TEX9: variants seen among roughly 807,000 people sequenced by gnomAD.
The protein encoded by TEX9 is testis expressed 9, also known as testis-expressed protein 9.
Under a neutral mutation model 59.6 loss-of-function variants are expected in TEX9, and 74 were observed. That is an observed-to-expected ratio of 1.24 (90% CI 1.03 to 1.51). TEX9 has a LOEUF of 1.51. TEX9 is among the 40% of genes most tolerant of loss of function. The pLI, the probability that TEX9 is intolerant of heterozygous loss-of-function variation, is 0.00. For synonymous variants in TEX9, 186 were observed against 152.2 expected, an observed-to-expected ratio of 1.22 and a Z score of -1.64; for missense variants, 522 against 447.8, an observed-to-expected ratio of 1.17 and a Z score of -1.49.
chr15:56,439,551 G>C (rs1346819525), intron 12 of TEX9, among the ~76,000 whole-genome samples: 1 of 152,040 alleles, frequency 6.6e-6, no homozygotes, highest in African/African-American at 2.4e-5. Context: ...AGAGACCACA[G>C]GAATAGACCC....
chr15:56,273,242 G>A (rs1262280185), intron 1 of TEX9, among the ~76,000 whole-genome samples: 1 of 152,066 alleles, frequency 6.6e-6, no homozygotes, highest in African/African-American at 2.4e-5. Flanking sequence ...ACCACACCCG[G>A]CCGAATTGTG....
intron 1 of TEX9, among the ~76,000 whole-genome samples, chr15:56,340,805 A>T (rs1317998906): frequency 6.6e-6 from 1 of 152,080 alleles, no homozygotes; most frequent in African/African-American, 2.4e-5. Flanking sequence ...CCAAGACAGG[A>T]GTGGGTGACA....
At chr15:56,273,323 A>G (rs1055987825) in intron 1 of TEX9, among the ~76,000 whole-genome samples, 11 of 152,120 alleles carry the variant, frequency 7.2e-5, no homozygotes, top group Non-Finnish European at 1.5e-4. Flanking sequence ...TTAGTGGTTG[A>G]CATAGAATTT....
chr15:56,424,586 G>A (rs1319398994), intron 10 of TEX9, among the ~76,000 whole-genome samples: 1 of 151,992 alleles, frequency 6.6e-6, no homozygotes, highest in African/African-American at 2.4e-5. Context: ...TTATTGTTTA[G>A]TTGATTTTGT....
At chr15:56,426,784 G>C (rs1008772997) in intron 10 of TEX9, among the ~76,000 whole-genome samples, 1 of 150,790 alleles carries the variant, frequency 6.6e-6, no homozygotes, top group African/African-American at 2.4e-5. Flanking sequence ...AATCTTTCAA[G>C]TATAGATCTT....
rs138232464 is a variant in TEX9 at position 56,245,841 on chromosome 15, G to A, written c.-107+1563G>A. Among the ~76,000 whole-genome samples, 41 of 152,250 alleles carry A rather than the reference G, an allele frequency of 2.7e-4. 1 individual carries two copies. The East Asian group carries it at 7.5e-3, about 28-fold the overall frequency. ...CAAGCTATGCTGAAACTGGAATTAC[G>A]CTGAAAAATCTTGAATGTAGGTATA... On this transcript the variant is annotated intron_variant, in intron 1 of 5. Coordinates refer to the TEX9 transcript ENST00000560827.
chr15:56,262,816 T>G (rs73411540), intron 1 of TEX9, among the ~76,000 whole-genome samples: 5,423 of 152,300 alleles, frequency 0.036, 348 homozygotes, highest in African/African-American at 0.12. Context: ...ATTGTTGTGT[T>G]TTCCTGTTGA....
At chr15:56,337,365 A>G (rs1465396521) in intron 1 of TEX9, among the ~76,000 whole-genome samples, 3 of 152,188 alleles carry the variant, frequency 2.0e-5, no homozygotes, top group Non-Finnish European at 4.4e-5. Flanking sequence ...TTCGTCTGGC[A>G]TCAACACTGG....
At chr15:56,394,095 G>T in intron 7 of TEX9, 70 bp from the exon 8 acceptor site, 2 of 1,388,130 alleles carry the variant, frequency 1.4e-6, no homozygotes, top group Middle Eastern at 1.9e-4. Flanking sequence ...ATAAAGTAAT[G>T]GTCTGTCTTA....
At chr15:56,330,052 G>C (rs1417289765) in intron 1 of TEX9, among the ~76,000 whole-genome samples, 1 of 151,570 alleles carries the variant, frequency 6.6e-6, no homozygotes, top group African/African-American at 2.4e-5. Flanking sequence ...AACAAACATA[G>C]AATGGAGCTC....
rs868031646 is a variant in TEX9 at position 56,378,157 on chromosome 15, C to T, written c.183+4653C>T. 3.3e-5 allele frequency among the ~76,000 whole-genome samples: 5 copies of T among 152,022 alleles called. No individual in the cohort carries two copies. In the South Asian group the frequency reaches 1.0e-3, roughly 32 times the overall value. ...TTTTGAGGATTTTTGCATCAATATT[C>T]GTTAGAGATATTGGCATGTAGTTTT... On this transcript the variant is annotated intron_variant, in intron 3 of 12. Transcript: ENST00000352903.
At chr15:56,445,704 A>T (rs1369534149) in exon 13 of TEX9, 1 of 152,022 alleles carries the variant, frequency 6.6e-6, no homozygotes, top group African/African-American at 2.4e-5. Flanking sequence ...AAAAGCCAAA[A>T]CTAGTACTTG....
At chr15:56,354,650 A>G (rs944280447) in intron 1 of TEX9, among the ~76,000 whole-genome samples, 1 of 152,174 alleles carries the variant, frequency 6.6e-6, no homozygotes, top group African/African-American at 2.4e-5. Flanking sequence ...TCACATTTTA[A>G]TATATCTGAA....
At chr15:56,460,009 A>AAAAAAATAT in the TEX9 span, among the ~76,000 whole-genome samples, 32 of 26,382 alleles carry the variant, frequency 1.2e-3, 6 homozygotes, top group African/African-American at 2.6e-3. Flanking sequence ...AAAAAAAAAA[A>AAAAAAATAT]ATACATATAT....
At chr15:56,343,818 G>A (rs1473116622) in intron 1 of TEX9, among the ~76,000 whole-genome samples, 1 of 151,930 alleles carries the variant, frequency 6.6e-6, no homozygotes, top group African/African-American at 2.4e-5. Context: ...TATTTAAAAG[G>A]GATCAAAGGA....
downstream of TEX9, among the ~76,000 whole-genome samples, chr15:56,450,372 A>T (rs1006860933): frequency 6.6e-6 from 1 of 152,072 alleles, no homozygotes; most frequent in African/African-American, 2.4e-5. Context: ...AAACTTTTTC[A>T]TTCCCCCCAA....
intron 1 of TEX9, among the ~76,000 whole-genome samples, chr15:56,357,577 A>G (rs896860022): frequency 5.3e-5 from 8 of 152,048 alleles, no homozygotes; most frequent in Non-Finnish European, 1.0e-4. Flanking sequence ...TATATGTCAG[A>G]TCTTTTCAGT....
At chr15:56,440,923 A>G (rs1272456454) in intron 12 of TEX9, among the ~76,000 whole-genome samples, 2 of 152,132 alleles carry the variant, frequency 1.3e-5, no homozygotes, top group Non-Finnish European at 2.9e-5. Context: ...CTACTTTTAG[A>G]CTATTGTGAA....
chr15:56,433,479 T>C (rs1281344051), intron 12 of TEX9, among the ~76,000 whole-genome samples: 3 of 152,120 alleles, frequency 2.0e-5, no homozygotes, highest in Non-Finnish European at 4.4e-5. Context: ...GGGGTAGCCT[T>C]AAGTCTTCTC....
Sources: gnomAD v4.1 joint callset for allele counts (sites outside exome capture counted in the v4.1 genomes callset) on GRCh38, gnomAD v4.1.1 for gene constraint, MANE v1.5 for transcripts, NCBI Gene and HGNC (gene_info 2026-07-23, HGNC 2026-07-21) for gene names.